HSF5: variants seen among roughly 807,000 people sequenced by gnomAD.
HSF5 encodes the protein heat shock factor protein 5.
HSF5 carries 5 observed loss-of-function variants against 50.8 expected under a neutral mutation model. That is an observed-to-expected ratio of 0.10 (90% CI 0.05 to 0.21). HSF5 has a LOEUF of 0.21. HSF5 is among the 10% of genes least tolerant of loss of function. The probability of loss-of-function intolerance (pLI) is 1.00; values close to 1 mark genes in which losing one functional copy is unlikely to be tolerated. For missense variants in HSF5, 564 were observed against 762.6 expected (o/e 0.74, Z 3.07); for synonymous variants, 307 against 307.4 (o/e 1.00, Z 0.02).
rs540997194 is a variant in HSF5, at chr17:58,487,984, C to T, written c.291G>A (p.Pro97=). ...CATTGCCTGCCGGTTTGCCGCCCCC[C>T]GGCCCGCCCAGCACCACCTTGCGGA... ...YGFRKVVLGG[P]GGGKPAGNGP... The change falls in exon 1 of 6, where the codon CCG becomes CCA. Residue 97 remains proline, a synonymous_variant. Transcript: ENST00000323777. 5.0e-6 allele frequency: 8 copies of T among 1,610,928 alleles called. No homozygotes were observed. The highest frequency in any genetic ancestry group is 3.3e-5 in the Admixed American group (2 of 59,916).
At chr17:58,443,017 T>G (rs1462709085) in intron 5 of HSF5, among the ~76,000 whole-genome samples, 1 of 152,028 alleles carries the variant, frequency 6.6e-6, no homozygotes. Context: ...CATGCCATTC[T>G]CCTGCCTCAG....
chr17:58,432,819 T>C (rs1279743414), intron 5 of HSF5, among the ~76,000 whole-genome samples: 4 of 152,214 alleles, frequency 2.6e-5, no homozygotes, highest in Admixed American at 2.0e-4. Flanking sequence ...TGCAGTCATC[T>C]AGGCAAGAGA....
chr17:58,477,861 C>T (rs930917867), intron 2 of HSF5, among the ~76,000 whole-genome samples: 4 of 151,598 alleles, frequency 2.6e-5, no homozygotes, highest in Admixed American at 2.0e-4. Context: ...CCTTTAGTGC[C>T]GCCTGGGAGA....
chr17:58,466,895 T>C lies in HSF5; in HGVS notation c.1010A>G (p.Asn337Ser), dbSNP rs760257002. The change falls in exon 3 of 6, where the codon AAC (asparagine) becomes AGC (serine). Residue 337 changes from asparagine (N) to serine (S), a missense_variant. Physicochemically the swap from Asn to Ser is conservative, Grantham distance 46. This residue lies in a region of HSF5 where 441 missense variants were observed against 533.6 expected (regional missense o/e 0.83). Coordinates refer to ENST00000323777, the MANE Select transcript of HSF5 (RefSeq NM_001080439.3). ...TTGCAAGAATCTTACCTGGAAGTAG[T>C]TGCAGTGTGCATAGGAAGAGGCAGT... ...TPTASSYAHC[N>S]YFQNPSMQSS... 4 of 1,594,934 alleles carry C rather than the reference T, an allele frequency of 2.5e-6. No individual in the cohort carries two copies. The highest frequency in any genetic ancestry group is 3.4e-6 in the Non-Finnish European group (4 of 1,162,612).
chr17:58,443,371 CCT>C (rs996845979), intron 5 of HSF5, among the ~76,000 whole-genome samples: 2 of 152,018 alleles, frequency 1.3e-5, no homozygotes, highest in African/African-American at 2.4e-5. Flanking sequence ...AAGTCCCACC[CCT>C]GTCTTTCATT....
intron 2 of HSF5, among the ~76,000 whole-genome samples, chr17:58,471,602 TTTTTCTTTCC>T (rs1567916480): frequency 7.1e-6 from 1 of 141,502 alleles, no homozygotes; most frequent in Non-Finnish European, 1.5e-5. Flanking sequence ...TTTCTTTTTC[TTTTTCTTTCC>T]TTTTCTTTCT....
intron 4 of HSF5, among the ~76,000 whole-genome samples, chr17:58,462,304 C>A (rs905627526): frequency 2.0e-5 from 3 of 152,182 alleles, no homozygotes; most frequent in African/African-American, 7.2e-5. Flanking sequence ...AGTATGCTCA[C>A]AAGTTACAGT....
chr17:58,483,014 G>C (rs1294982467), intron 1 of HSF5, among the ~76,000 whole-genome samples: 3 of 150,716 alleles, frequency 2.0e-5, no homozygotes, highest in Non-Finnish European at 2.9e-5. Flanking sequence ...CATACACCTT[G>C]AACCCACCAC....
intron 5 of HSF5, among the ~76,000 whole-genome samples, chr17:58,429,485 GA>G (rs1974336700): frequency 6.6e-6 from 1 of 152,188 alleles, no homozygotes; most frequent in Non-Finnish European, 1.5e-5. Flanking sequence ...AGTGAGCCAA[GA>G]TCATACCACT....
chr17:58,487,678 C>A, intron 1 of HSF5, 47 bp downstream of exon 1: 2 of 1,357,166 alleles, frequency 1.5e-6, no homozygotes, highest in Non-Finnish European at 1.9e-6. Flanking sequence ...TGCTCCCCGC[C>A]GCCCATGTGC....
At chr17:58,484,369 C>T (rs1359191984) in intron 1 of HSF5, among the ~76,000 whole-genome samples, 3 of 152,058 alleles carry the variant, frequency 2.0e-5, no homozygotes, top group African/African-American at 7.2e-5. Flanking sequence ...AATCAGATGC[C>T]AGATGGCCCT....
intron 2 of HSF5, among the ~76,000 whole-genome samples, chr17:58,473,636 T>C (rs1396619210): frequency 1.3e-5 from 2 of 152,006 alleles, no homozygotes; most frequent in Admixed American, 6.5e-5. Context: ...AATGGAAAAC[T>C]GACACTTCAA....
chr17:58,452,738 G>A lies in HSF5; in HGVS notation c.1720+6030C>T, dbSNP rs115612361. The stretch of plus-strand genomic sequence containing the variant: ...GGCCGCACCATCTGCGATGTGAGGA[G>A]CACCTCTGCCTGGCCTCCACGCCAC... On this transcript the variant is annotated intron_variant, in intron 5 of 5. Coordinates refer to ENST00000323777, the MANE Select transcript of HSF5 (RefSeq NM_001080439.3). Among the ~76,000 whole-genome samples the A allele has an allele frequency of 8.2e-3, 1,246 of 152,370 alleles. 13 individuals carry two copies. The highest frequency in any genetic ancestry group is 0.028 in the African/African-American group (1,177 of 41,586).
At chr17:58,483,973 T>C (rs532382471) in intron 1 of HSF5, among the ~76,000 whole-genome samples, 3 of 151,154 alleles carry the variant, frequency 2.0e-5, no homozygotes, top group African/African-American at 7.3e-5. Context: ...AGAAGAAAAA[T>C]GAGATGAGGA....
intron 1 of HSF5, 129 bp from the exon 2 acceptor site, chr17:58,480,396 GT>G: frequency 1.4e-6 from 1 of 734,304 alleles, no homozygotes. Context: ...TTTAGGTTTG[GT>G]AAAAACAAGT....
At chr17:58,478,384 G>C (rs28548172) in intron 2 of HSF5, among the ~76,000 whole-genome samples, 36,546 of 147,886 alleles carry the variant, frequency 0.25, 4,994 homozygotes, top group South Asian at 0.36. Context: ...GGCTGAGGCA[G>C]GAGAATCACT....
At chr17:58,461,297 A>T (rs1457433394) in intron 4 of HSF5, among the ~76,000 whole-genome samples, 1 of 151,996 alleles carries the variant, frequency 6.6e-6, no homozygotes, top group Non-Finnish European at 1.5e-5. Flanking sequence ...TACTGAATTT[A>T]CAATATTATC....
intron 5 of HSF5, among the ~76,000 whole-genome samples, chr17:58,458,160 A>G (rs1974738713): frequency 6.6e-6 from 1 of 152,178 alleles, no homozygotes; most frequent in African/African-American, 2.4e-5. Context: ...ATGATATGAG[A>G]CACATGTTTT....
chr17:58,425,575 C>CAAAAAAAAAAAAAAAAA (rs66502039), intron 5 of HSF5, among the ~76,000 whole-genome samples: 1 of 32,990 alleles, frequency 3.0e-5, no homozygotes, highest in African/African-American at 1.5e-4. Flanking sequence ...ACCTCTATCT[C>CAAAAAAAAAAAAAAAAA]AAAAAAAAAA....
Sources: gnomAD v4.1 joint callset for allele counts (sites outside exome capture counted in the v4.1 genomes callset) on GRCh38, gnomAD v4.1.1 for gene constraint, gnomAD v4.1.1 regional missense constraint, MANE v1.5 for transcripts, NCBI Gene and HGNC (gene_info 2026-07-23, HGNC 2026-07-21) for gene names.